Variants in CTBP2 observed in about 807,000 individuals in gnomAD.
CTBP2 encodes C-terminal binding protein 2.
Under a neutral mutation model 80.3 loss-of-function variants are expected in CTBP2, and 30 were observed. The observed-to-expected ratio is 0.37, with a 90% CI of 0.28 to 0.51. The LOEUF is 0.51. Among genes scored for constraint, CTBP2 ranks in the 20% least tolerant of loss-of-function variants. The pLI is 0.93. For missense variants in CTBP2, 1,212 were observed against 1,375.3 expected (o/e 0.88, Z 1.88); for synonymous variants, 594 against 587.4 (o/e 1.01, Z -0.16).
intron 2 of CTBP2, among the ~76,000 whole-genome samples, chr10:125,078,841 A>G (rs922775220): frequency 6.6e-6 from 1 of 151,990 alleles, no homozygotes; most frequent in Non-Finnish European, 1.5e-5. Context: ...CCAATCAAAA[A>G]ATTTGGAATA....
At chr10:125,147,311 G>C (rs1206123405) in intron 1 of CTBP2, among the ~76,000 whole-genome samples, 1 of 152,238 alleles carries the variant, frequency 6.6e-6, no homozygotes, top group Admixed American at 6.5e-5. Context: ...GGCTGGGGCA[G>C]CACTGGGCCC....
intron 2 of CTBP2, among the ~76,000 whole-genome samples, chr10:125,061,627 A>C (rs566104790): frequency 1.3e-5 from 2 of 152,304 alleles, no homozygotes; most frequent in South Asian, 4.1e-4. Flanking sequence ...CTACGGCAGC[A>C]AAGCCTGAGG....
Position 124,992,687 on chromosome 10 carries a change from T to C in CTBP2, c.2777+8A>G. 6.3e-7 allele frequency: 1 copy of C among 1,597,070 alleles called. No homozygotes were observed. Among genetic ancestry groups the C allele is most frequent in the Non-Finnish European group, 8.5e-7 (1 of 1,170,382 alleles). ...ACAAGCTGAGACAAAGTCAGTTCCT[T>C]TTCTCACCTGTATGTGGCACCATTG... On this transcript the variant is annotated splice_region_variant and intron_variant, in intron 8 of 8. Coordinates refer to ENST00000309035, the MANE Select transcript of CTBP2 (RefSeq NM_022802.3).
At chr10:124,991,940 A>G (rs937647200) in intron 8 of CTBP2, among the ~76,000 whole-genome samples, 1 of 151,050 alleles carries the variant, frequency 6.6e-6, no homozygotes, top group South Asian at 2.1e-4. Flanking sequence ...GGAAAATACC[A>G]CAAAAGGAAC....
At chr10:125,050,698 C>T (rs1428249092) in intron 2 of CTBP2, among the ~76,000 whole-genome samples, 1 of 152,240 alleles carries the variant, frequency 6.6e-6, no homozygotes, top group Non-Finnish European at 1.5e-5. Flanking sequence ...AATCATTTCA[C>T]CTGTTTCACA....
chr10:124,994,178 A>G (rs983188041), intron 5 of CTBP2, among the ~76,000 whole-genome samples, 193 bp from the exon 8 acceptor site: 4 of 152,326 alleles, frequency 2.6e-5, no homozygotes, highest in African/African-American at 9.6e-5. Context: ...TGATCCTGAG[A>G]GGAAGCAACA....
chr10:125,115,041 T>A (rs976542767), intron 1 of CTBP2, among the ~76,000 whole-genome samples: 5 of 152,074 alleles, frequency 3.3e-5, no homozygotes, highest in African/African-American at 1.2e-4. Flanking sequence ...CCTACTACTG[T>A]CCCGCCGTGG....
chr10:125,093,158 C>A (rs1255593177), intron 2 of CTBP2, among the ~76,000 whole-genome samples: 1 of 152,220 alleles, frequency 6.6e-6, no homozygotes, highest in Non-Finnish European at 1.5e-5. Flanking sequence ...ATCCATCCTG[C>A]GTGCTTTCTA....
intron 1 of CTBP2, among the ~76,000 whole-genome samples, chr10:125,012,752 G>A (rs541595020): frequency 6.6e-6 from 1 of 152,292 alleles, no homozygotes; most frequent in East Asian, 1.9e-4. Context: ...TGATTCTCCT[G>A]CCTCAGCCTT....
chr10:125,152,405 T>C (rs1398293441), intron 1 of CTBP2, among the ~76,000 whole-genome samples: 1 of 152,188 alleles, frequency 6.6e-6, no homozygotes, highest in Non-Finnish European at 1.5e-5. Context: ...CCGGAAGTCG[T>C]CCTGGAGTCA....
chr10:125,135,362 G>A (rs1007393649), intron 1 of CTBP2, among the ~76,000 whole-genome samples: 9 of 152,190 alleles, frequency 5.9e-5, no homozygotes, highest in Admixed American at 1.3e-4. Flanking sequence ...GTAAGGTCCC[G>A]GAATCCCTTG....
At chr10:125,005,409 G>T in intron 1 of CTBP2, 1 of 807,776 alleles carries the variant, frequency 1.2e-6, no homozygotes, top group Non-Finnish European at 1.9e-6. Context: ...AGTCACTCCT[G>T]CTGCTGCCCC....
At chr10:125,081,092 A>C (rs1037861068) in intron 2 of CTBP2, among the ~76,000 whole-genome samples, 25 of 152,208 alleles carry the variant, frequency 1.6e-4, no homozygotes, top group African/African-American at 5.8e-4. Context: ...CGCTGTGCTG[A>C]CAACAACAGT....
rs767918095 is a variant in CTBP2 at position 124,993,329 on chromosome 10, G to C, written c.2532C>G (p.Ser844Arg). 1.6e-5 allele frequency: 26 copies of C among 1,606,246 alleles called. No homozygotes were observed. Among genetic ancestry groups the C allele is most frequent in the Non-Finnish European group, 2.2e-5 (26 of 1,173,732 alleles). Residue 844 changes from serine (S) to arginine (R), a missense_variant and splice_region_variant, in exon 7 of 9, where the codon AGC becomes AGG. This residue lies in a region of CTBP2 where 335 missense variants were observed against 504.7 expected (regional missense o/e 0.66). Coordinates refer to ENST00000309035, the MANE Select transcript of CTBP2 (RefSeq NM_022802.3). ...CATCTTTCAACGGACCCTGAGCAAA[G>C]CTAGAAAAATGTAGAAAAAACAGAG...
intron 2 of CTBP2, among the ~76,000 whole-genome samples, chr10:125,056,170 T>A (rs7912209): frequency 0.016 from 1,674 of 103,474 alleles, 33 homozygotes; most frequent in African/African-American, 0.078. Context: ...GTCTCAAAAA[T>A]AAAAATAATA....
intron 1 of CTBP2, among the ~76,000 whole-genome samples, chr10:125,128,803 C>T (rs545462684): frequency 8.9e-4 from 136 of 152,192 alleles, no homozygotes; most frequent in Non-Finnish European, 1.7e-3. Flanking sequence ...TAGGAACTTA[C>T]CCAAGAGAAA....
At chr10:125,011,937 G>A (rs926731166) in intron 1 of CTBP2, among the ~76,000 whole-genome samples, 1 of 152,168 alleles carries the variant, frequency 6.6e-6, no homozygotes, top group South Asian at 2.1e-4. Flanking sequence ...ACCTAACCCC[G>A]GGTGCAGCTC....
intron 1 of CTBP2, among the ~76,000 whole-genome samples, chr10:125,151,105 C>G (rs1177672116): frequency 1.3e-5 from 2 of 152,132 alleles, no homozygotes; most frequent in African/African-American, 4.8e-5. Context: ...GAAATGGTTG[C>G]TCTCTAGTTA....
At chr10:125,147,477 GTTT>G (rs1160734760) in intron 1 of CTBP2, among the ~76,000 whole-genome samples, 2 of 152,192 alleles carry the variant, frequency 1.3e-5, no homozygotes, top group Non-Finnish European at 2.9e-5. Context: ...CTCGTGAACA[GTTT>G]TCAGTTCATT....
Sources: allele counts gnomAD v4.1 joint callset (sites outside exome capture counted in the v4.1 genomes callset), GRCh38; gene constraint gnomAD v4.1.1; regional missense constraint gnomAD v4.1.1; transcripts MANE v1.5; gene names NCBI Gene and HGNC (gene_info 2026-07-23, HGNC 2026-07-21).